The following ECE1 variants were observed in gnomAD, a reference collection of about 807,000 sequenced individuals.
ECE1 encodes the protein endothelin converting enzyme 1.
ECE1 carries 35 observed loss-of-function variants against 98.6 expected under a neutral mutation model. The ratio of observed to expected loss-of-function variants is 0.35; its 90% confidence interval spans 0.27 to 0.47. The LOEUF (loss-of-function observed/expected upper bound fraction) is 0.47, where lower values mean the gene tolerates loss of function less well. Among genes scored for constraint, ECE1 ranks in the 20% least tolerant of loss-of-function variants. ECE1 has a pLI of 1.00. For missense variants in ECE1, 814 were observed against 1,025.3 expected, an observed-to-expected ratio of 0.79 and a Z score of 2.81; for synonymous variants, 394 against 407.1, an observed-to-expected ratio of 0.97 and a Z score of 0.39.
At chr1:21,271,938 AC>A (rs2098240707) in intron 4 of ECE1, among the ~76,000 whole-genome samples, 1 of 151,290 alleles carries the variant, frequency 6.6e-6, no homozygotes, top group African/African-American at 2.4e-5. Flanking sequence ...TTGGATCACA[AC>A]CTTAGAATCT....
chr1:21,299,053 C>G (rs1054458839), intron 1 of ECE1: 1 of 358,022 alleles, frequency 2.8e-6, no homozygotes, highest in South Asian at 2.0e-5. Context: ...ACCAAGCGCT[C>G]TCTGACAATG....
At chr1:21,306,196 T>G (rs2103384486) in intron 1 of ECE1, among the ~76,000 whole-genome samples, 1 of 152,346 alleles carries the variant, frequency 6.6e-6, no homozygotes, top group South Asian at 2.1e-4. Context: ...AAACAAAGCG[T>G]TTGCTGTCAG....
upstream of ECE1, chr1:21,293,485 G>A (rs946467521): frequency 5.9e-5 from 9 of 152,116 alleles, no homozygotes; most frequent in African/African-American, 1.9e-4. Flanking sequence ...GAGCAAAGGC[G>A]GGAGGCAAGG....
intron 1 of ECE1, among the ~76,000 whole-genome samples, chr1:21,325,571 C>G (rs1203238309): frequency 6.6e-6 from 1 of 152,236 alleles, no homozygotes; most frequent in African/African-American, 2.4e-5. Flanking sequence ...TCTACAGAAG[C>G]CTGCAAAAAC....
chr1:21,325,404 T>A (rs1051932386), intron 1 of ECE1, among the ~76,000 whole-genome samples: 1 of 152,234 alleles, frequency 6.6e-6, no homozygotes, highest in African/African-American at 2.4e-5. Context: ...CTCATCCAGA[T>A]TGAAATTTGC....
chr1:21,261,244 T>G (rs1389569857), intron 4 of ECE1, among the ~76,000 whole-genome samples: 2 of 152,224 alleles, frequency 1.3e-5, no homozygotes, highest in African/African-American at 4.8e-5. Context: ...GGAAACTCAC[T>G]GCTCCAGACA....
intron 5 of ECE1, among the ~76,000 whole-genome samples, chr1:21,259,638 G>A (rs543697673): frequency 6.6e-6 from 1 of 152,248 alleles, no homozygotes; most frequent in East Asian, 1.9e-4. Context: ...CACCAACCCT[G>A]CTGCAATGCT....
intron 4 of ECE1, 21 bp downstream of exon 4, chr1:21,272,678 G>C (rs377104761): frequency 1.2e-6 from 2 of 1,613,942 alleles, no homozygotes; most frequent in African/African-American, 2.7e-5. Flanking sequence ...CCATTTATTG[G>C]TCTCCATGCT....
At chr1:21,314,275 G>T (rs1638786778) in intron 1 of ECE1, among the ~76,000 whole-genome samples, 1 of 152,164 alleles carries the variant, frequency 6.6e-6, no homozygotes, top group Non-Finnish European at 1.5e-5. Context: ...GTTCTGGGAA[G>T]GGGGCGCTGG....
At chr1:21,301,125 TTTGGGTTCTGAGCTCACAC>T (rs982396288) in intron 1 of ECE1, among the ~76,000 whole-genome samples, 2 of 152,096 alleles carry the variant, frequency 1.3e-5, no homozygotes, top group African/African-American at 4.8e-5. Context: ...AGTGAGAATG[TTTGGGTTCTGAGCTCACAC>T]ATGGACCAAG....
chr1:21,310,179 C>A (rs748729703), intron 1 of ECE1, among the ~76,000 whole-genome samples: 1 of 152,174 alleles, frequency 6.6e-6, no homozygotes, highest in Non-Finnish European at 1.5e-5. Flanking sequence ...AGGAGACGAT[C>A]CAGGAGTTCA....
chr1:21,306,201 T>C (rs1292140213), intron 1 of ECE1, among the ~76,000 whole-genome samples: 1 of 152,252 alleles, frequency 6.6e-6, no homozygotes, highest in South Asian at 2.1e-4. Flanking sequence ...AAGCGTTTGC[T>C]GTCAGGAGCT....
intron 12 of ECE1, among the ~76,000 whole-genome samples, chr1:21,236,541 C>T (rs28368013): frequency 0.03 from 4,501 of 152,266 alleles, 238 homozygotes; most frequent in African/African-American, 0.1. Flanking sequence ...CCCAGCTGCT[C>T]GGGAGGCTGA....
intron 8 of ECE1, among the ~76,000 whole-genome samples, chr1:21,251,737 A>C (rs1466305645): frequency 6.6e-6 from 1 of 152,184 alleles, no homozygotes; most frequent in Non-Finnish European, 1.5e-5. Flanking sequence ...CAGCATCCCC[A>C]GGAGGAACCA....
intron 2 of ECE1, among the ~76,000 whole-genome samples, chr1:21,281,146 C>T (rs1441607628): frequency 1.3e-5 from 2 of 152,074 alleles, no homozygotes; most frequent in South Asian, 2.1e-4. Context: ...GCTGAGATTG[C>T]GCCACTGCAC....
intron 1 of ECE1, among the ~76,000 whole-genome samples, chr1:21,314,583 AC>A (rs1205499561): frequency 6.6e-6 from 1 of 152,106 alleles, no homozygotes; most frequent in East Asian, 1.9e-4. Context: ...CCCTTTCCTA[AC>A]CCAGCCCAGT....
Position 21,247,315 on chromosome 1 carries a change from A to G in ECE1, c.1069T>C (p.Tyr357His). 1.2e-6 allele frequency: 2 copies of G among 1,614,210 alleles called. No individual in the cohort carries two copies. Among genetic ancestry groups the G allele is most frequent in the Non-Finnish European group, 1.7e-6 (2 of 1,180,044 alleles). ...NWLPFLNTIF[Y>H]PVEINESEPI... ...TCGGATTCATTGATCTCCACGGGGT[A>G]GAAGATGGTGTTGAGAAAAGGCAAC... Residue 357 changes from tyrosine (Y) to histidine (H), a missense_variant, in exon 9 of 19, where the codon TAC (tyrosine) becomes CAC (histidine). Tyr to His is a moderately conservative substitution (Grantham distance 83). Coordinates refer to ENST00000374893, the MANE Select transcript of ECE1 (RefSeq NM_001397.3).
At chr1:21,250,414 G>A (rs1408973753) in intron 8 of ECE1, among the ~76,000 whole-genome samples, 2 of 152,110 alleles carry the variant, frequency 1.3e-5, no homozygotes, top group African/African-American at 2.4e-5. Flanking sequence ...TGTACATGTC[G>A]ATCACTTAGA....
At chr1:21,254,769 TG>T (rs2098217782) in intron 8 of ECE1, among the ~76,000 whole-genome samples, 2 of 152,200 alleles carry the variant, frequency 1.3e-5, no homozygotes, top group African/African-American at 4.8e-5. Context: ...ATCTCCATCC[TG>T]GTCTGAGCAG....
Sources: gnomAD v4.1 joint callset for allele counts (sites outside exome capture counted in the v4.1 genomes callset) on GRCh38, gnomAD v4.1.1 for gene constraint, MANE v1.5 for transcripts, NCBI Gene and HGNC (gene_info 2026-07-23, HGNC 2026-07-21) for gene names.